ADCY9: variants seen among roughly 807,000 people sequenced by gnomAD.
The protein encoded by ADCY9 is adenylate cyclase 9, also known as adenylate cyclase type 9.
In ADCY9, 50 loss-of-function variants were observed where a neutral mutation model predicts 101.5. The observed-to-expected ratio is 0.49, with a 90% CI of 0.39 to 0.62. ADCY9 has a LOEUF of 0.62. Among genes scored for constraint, ADCY9 ranks in the 20% least tolerant of loss-of-function variants. The pLI, the probability that ADCY9 is intolerant of heterozygous loss-of-function variation, is 0.00. For synonymous variants in ADCY9, 905 were observed against 769.3 expected (o/e 1.18, Z -2.92); for missense variants, 1,662 against 1,800.4 (o/e 0.92, Z 1.39).
intron 3 of ADCY9, among the ~76,000 whole-genome samples, chr16:3,996,740 A>G (rs2056289626): frequency 6.6e-6 from 1 of 152,242 alleles, no homozygotes; most frequent in Non-Finnish European, 1.5e-5. Context: ...GTCCTTGATT[A>G]CAGACAGAAC....
At chr16:4,048,329 CTTTG>C (rs1371134991) in intron 2 of ADCY9, among the ~76,000 whole-genome samples, 4 of 152,286 alleles carry the variant, frequency 2.6e-5, no homozygotes, top group East Asian at 1.9e-4. Context: ...TCCATTTGTT[CTTTG>C]TTTGACAATG....
At chr16:4,004,710 C>T (rs2056355518) in intron 3 of ADCY9, among the ~76,000 whole-genome samples, 1 of 152,220 alleles carries the variant, frequency 6.6e-6, no homozygotes, top group African/African-American at 2.4e-5. Context: ...GCATAAGAAA[C>T]AAAGATTTAA....
intron 2 of ADCY9, among the ~76,000 whole-genome samples, chr16:4,069,804 T>A (rs926819395): frequency 2.0e-5 from 3 of 152,230 alleles, no homozygotes; most frequent in African/African-American, 7.2e-5. Flanking sequence ...CCTTAAAAAG[T>A]ATATAATGCG....
downstream of ADCY9, among the ~76,000 whole-genome samples, chr16:3,957,749 G>A (rs1033311663): frequency 8.5e-5 from 13 of 152,108 alleles, no homozygotes; most frequent in Non-Finnish European, 1.5e-4. Flanking sequence ...GGTGCGTCTT[G>A]GCACAAGCAT....
chr16:3,955,341 A>G (rs2055901449), intron 5 of ADCY9, among the ~76,000 whole-genome samples: 1 of 152,210 alleles, frequency 6.6e-6, no homozygotes, highest in Non-Finnish European at 1.5e-5. Flanking sequence ...CCTGAGCAAC[A>G]TAGTGAGACC....
At chr16:3,985,936 G>A (rs1280296678) in intron 6 of ADCY9, among the ~76,000 whole-genome samples, 1 of 150,766 alleles carries the variant, frequency 6.6e-6, no homozygotes, top group Non-Finnish European at 1.5e-5. Flanking sequence ...CACTGAGAAC[G>A]ACGCTCCCCC....
intron 2 of ADCY9, among the ~76,000 whole-genome samples, chr16:4,079,226 T>G (rs557456937): frequency 1.3e-5 from 2 of 152,294 alleles, no homozygotes; most frequent in East Asian, 3.9e-4. Flanking sequence ...TAAATTATAG[T>G]ACATCCCCAG....
At chr16:4,026,595 G>A (rs11641844) in intron 2 of ADCY9, among the ~76,000 whole-genome samples, 18,136 of 152,160 alleles carry the variant, frequency 0.12, 1,484 homozygotes, top group Admixed American at 0.23. Flanking sequence ...CCAACCTAAT[G>A]TCCTTCCCAG....
intron 2 of ADCY9, among the ~76,000 whole-genome samples, chr16:4,069,826 T>C (rs2056822509): frequency 6.6e-6 from 1 of 152,202 alleles, no homozygotes; most frequent in Non-Finnish European, 1.5e-5. Context: ...CCAGGCATGG[T>C]GGCTCACACT....
rs142011673 is a variant in ADCY9 at position 4,106,700 on chromosome 16, G to A, written c.1693+7050C>T. ...TACTAAAATCACCAACCAAGACAAA[G>A]ACGAGACTTACGGCCCACGCAGGCT... On this transcript the variant is annotated intron_variant, in intron 2 of 10. Transcript: ENST00000294016. 6.9e-3 allele frequency among the ~76,000 whole-genome samples: 1,057 copies of A among 152,364 alleles called. 12 individuals carry two copies. The highest frequency in any genetic ancestry group is 0.024 in the African/African-American group (1,006 of 41,582).
At position 4,115,995 on chromosome 16, in the gene ADCY9, C is replaced by T. The variant is rs1597238627; in HGVS notation, c.-349G>A. On this transcript the variant is annotated 5_prime_UTR_variant, in exon 1 of 11. Transcript: ENST00000294016. This position sits in a 1 kb window ranked among gnomAD's most constrained non-coding sequence, Gnocchi z 6.2. ...CCCGGGCCCGGACCCCGACCCGGAGCAGCGAGCTTCGGCGGGCGCCCCCGG... is the reference window on the plus strand; with the variant it reads ...CCCGGGCCCGGACCCCGACCCGGAGTAGCGAGCTTCGGCGGGCGCCCCCGG... 10 of 231,304 alleles carry T rather than the reference C, an allele frequency of 4.3e-5. No individual in the cohort carries two copies. The East Asian group carries it at 6.7e-4, about 16-fold the overall frequency. 14.3% of individuals were successfully genotyped at this position (231,304 alleles called of 1,614,324 possible). A position where few individuals can be genotyped will look rare whatever the true frequency, so the allele number is the denominator to read the frequency against.
At chr16:3,973,898 G>A (rs2141679175) in intron 10 of ADCY9, among the ~76,000 whole-genome samples, 1 of 152,308 alleles carries the variant, frequency 6.6e-6, no homozygotes. Flanking sequence ...CTCAGTTTTA[G>A]AGGCTTGAAA....
intron 4 of ADCY9, chr16:3,993,200 G>A (rs918868001): frequency 7.4e-6 from 6 of 806,842 alleles, no homozygotes; most frequent in South Asian, 1.9e-5. Flanking sequence ...CTCAGCCCCT[G>A]AGCGCTGGTT....
At position 3,974,845 on chromosome 16, in the gene ADCY9, C is replaced by T. The variant is rs953860781; in HGVS notation, c.2829-135G>A. ...ACATCCACATAAAGCCACCTGCTCC[C>T]ACCTCTTTCTTCACATCTGTGTCTC... On this transcript the variant is annotated intron_variant, in intron 9 of 10. Coordinates refer to ENST00000294016, the MANE Select transcript of ADCY9 (RefSeq NM_001116.4). The T allele has an allele frequency of 3.6e-5, 24 of 661,138 alleles. 1 individual carries two copies. In the South Asian group the frequency reaches 4.2e-4, roughly 12 times the overall value. The allele number at this position is 661,138 out of a possible 1,614,324, so 41.0% of individuals were successfully genotyped here.
intron 2 of ADCY9, among the ~76,000 whole-genome samples, chr16:4,058,705 G>C (rs556315968): frequency 2.0e-5 from 3 of 152,246 alleles, no homozygotes; most frequent in African/African-American, 7.2e-5. Context: ...CTGCAGAGAG[G>C]AGACCCAGCA....
intron 2 of ADCY9, among the ~76,000 whole-genome samples, chr16:4,046,061 G>A (rs1283218407): frequency 6.6e-6 from 1 of 151,742 alleles, no homozygotes; most frequent in Admixed American, 6.6e-5. Context: ...ATGTTTCCCG[G>A]GCTGGCCTCC....
chr16:4,009,198 G>C (rs1043163559), intron 2 of ADCY9, among the ~76,000 whole-genome samples: 5 of 152,210 alleles, frequency 3.3e-5, no homozygotes, highest in Non-Finnish European at 5.9e-5. Context: ...TCATAGCTGA[G>C]AATCAAAAGA....
intron 2 of ADCY9, among the ~76,000 whole-genome samples, chr16:4,030,289 C>T (rs755584101): frequency 1.3e-5 from 2 of 152,084 alleles, no homozygotes; most frequent in African/African-American, 2.4e-5. Context: ...TCGATGGATA[C>T]GTTGTGATAT....
chr16:4,011,731 C>G (rs1055260906), intron 2 of ADCY9, among the ~76,000 whole-genome samples: 14 of 152,264 alleles, frequency 9.2e-5, no homozygotes, highest in Non-Finnish European at 8.8e-5. Flanking sequence ...TTCATCGCTG[C>G]CTCTCAGTTT....
Sources: allele counts gnomAD v4.1 joint callset (sites outside exome capture counted in the v4.1 genomes callset), GRCh38; gene constraint gnomAD v4.1.1; non-coding constraint Gnocchi (gnomAD v3.1); transcripts MANE v1.5; gene names NCBI Gene and HGNC (gene_info 2026-07-23, HGNC 2026-07-21).